The following CABLES1 variants were observed in gnomAD, a reference collection of about 807,000 sequenced individuals.
The protein encoded by CABLES1 is CDK5 and ABL1 enzyme substrate 1.
A neutral mutation model predicts 57.8 loss-of-function variants in CABLES1; 36 were observed. That is an observed-to-expected ratio of 0.62 (90% CI 0.48 to 0.82). CABLES1 has a LOEUF of 0.82. Among genes scored for constraint, CABLES1 ranks in the 40% least tolerant of loss-of-function variants. The probability of loss-of-function intolerance (pLI) is 0.00; values close to 1 mark genes in which losing one functional copy is unlikely to be tolerated. For synonymous variants in CABLES1, 374 were observed against 363.0 expected, an observed-to-expected ratio of 1.03 and a Z score of -0.35; for missense variants, 767 against 836.6, an observed-to-expected ratio of 0.92 and a Z score of 1.03.
At position 23,135,756 on chromosome 18, in the gene CABLES1, G is replaced by A. The variant is rs1478734875; in HGVS notation, c.-7G>A. ...GCATCGCGGAAATCCCGCCGCAGAC[G>A]GACACAATGGCGGCGGCGGCGGCGG... On this transcript the variant is annotated 5_prime_UTR_variant, in exon 1 of 10. Coordinates refer to ENST00000256925, the MANE Select transcript of CABLES1 (RefSeq NM_001100619.3). The A allele has an allele frequency of 5.1e-6, 5 of 987,554 alleles. No homozygotes were observed. The highest frequency in any genetic ancestry group is 6.0e-6 in the Non-Finnish European group (5 of 832,994). The allele number at this position is 987,554 out of a possible 1,614,324, so 61.2% of individuals were successfully genotyped here.
intron 4 of CABLES1, among the ~76,000 whole-genome samples, chr18:23,217,345 A>G (rs2047449719): frequency 6.6e-6 from 1 of 152,138 alleles, no homozygotes; most frequent in Non-Finnish European, 1.5e-5. Flanking sequence ...GGCCTCCTAA[A>G]GTGTTGGGAT....
At chr18:23,163,931 A>T (rs1194954380) in intron 1 of CABLES1, among the ~76,000 whole-genome samples, 2 of 152,200 alleles carry the variant, frequency 1.3e-5, no homozygotes, top group African/African-American at 4.8e-5. Flanking sequence ...ATAGCCTATA[A>T]GGTAGGCCCT....
At position 23,188,788 on chromosome 18, in the gene CABLES1, C is replaced by G. The variant is rs1598819279; in HGVS notation, c.846-50C>G. 7 of 1,241,372 alleles carry G rather than the reference C, an allele frequency of 5.6e-6. No individual in the cohort carries two copies. In the East Asian group the frequency reaches 1.6e-4, roughly 29 times the overall value. The allele number at this position is 1,241,372 out of a possible 1,614,324, so 76.9% of individuals were successfully genotyped here. The stretch of plus-strand genomic sequence containing the variant: ...TTTTAGATTTGCACAAATGTCTGAT[C>G]AGTTCTGCAATGCAGTTTTAACTCC... On this transcript the variant is annotated intron_variant, in intron 1 of 9. Coordinates refer to ENST00000256925, the MANE Select transcript of CABLES1 (RefSeq NM_001100619.3).
At chr18:23,152,831 C>T (rs1303710990) in intron 1 of CABLES1, among the ~76,000 whole-genome samples, 2 of 150,844 alleles carry the variant, frequency 1.3e-5, no homozygotes, top group Admixed American at 6.6e-5. Flanking sequence ...GACAGAGTTT[C>T]GCTCTTGTTG....
At chr18:23,193,036 GTCTT>G (rs1331749270) in intron 2 of CABLES1, among the ~76,000 whole-genome samples, 1 of 152,060 alleles carries the variant, frequency 6.6e-6, no homozygotes, top group Non-Finnish European at 1.5e-5. Flanking sequence ...GCAAGGCCTT[GTCTT>G]TCTTTTTAAA....
At chr18:23,246,958 G>A (rs2047911497) in intron 7 of CABLES1, among the ~76,000 whole-genome samples, 1 of 152,238 alleles carries the variant, frequency 6.6e-6, no homozygotes, top group South Asian at 2.1e-4. Flanking sequence ...CTCCTAAAGT[G>A]CTGGGGTTAC....
At chr18:23,142,641 A>ATGTTTG (rs2046864829) in intron 1 of CABLES1, among the ~76,000 whole-genome samples, 1 of 152,242 alleles carries the variant, frequency 6.6e-6, no homozygotes, top group Non-Finnish European at 1.5e-5. Context: ...TTCAACAAAC[A>ATGTTTG]TTGAACACAA....
At chr18:23,213,403 C>T (rs1313439980) in intron 3 of CABLES1, among the ~76,000 whole-genome samples, 1 of 151,846 alleles carries the variant, frequency 6.6e-6, no homozygotes. Flanking sequence ...TGCATAAGAC[C>T]ATCATGTAGA....
chr18:23,207,873 T>A (rs1396035952), intron 3 of CABLES1, among the ~76,000 whole-genome samples: 2 of 152,164 alleles, frequency 1.3e-5, no homozygotes, highest in Non-Finnish European at 2.9e-5. Flanking sequence ...GCAGTCATAG[T>A]CATGAAGAGA....
intron 1 of CABLES1, among the ~76,000 whole-genome samples, chr18:23,179,613 C>T (rs527754284): frequency 6.6e-6 from 1 of 152,378 alleles, no homozygotes; most frequent in South Asian, 2.1e-4. Context: ...CAGTATGCCA[C>T]TGTAGTGTCA....
intron 5 of CABLES1, 115 bp downstream of exon 5, chr18:23,234,819 C>A: frequency 1.2e-6 from 1 of 802,986 alleles, no homozygotes; most frequent in Non-Finnish European, 2.1e-6. Context: ...AGGTCTGGGG[C>A]AGATTCCCAG....
chr18:23,202,488 C>T (rs949558728), intron 3 of CABLES1, among the ~76,000 whole-genome samples: 1 of 152,172 alleles, frequency 6.6e-6, no homozygotes, highest in Non-Finnish European at 1.5e-5. Context: ...AGAGGAGAGC[C>T]AGTCACCATG....
upstream of CABLES1, chr18:23,134,690 C>G (rs530284344): frequency 1.1e-4 from 16 of 152,252 alleles, no homozygotes; most frequent in South Asian, 3.3e-3. Context: ...TTTTAGCCCA[C>G]CTGGGTCTTC....
intron 7 of CABLES1, among the ~76,000 whole-genome samples, chr18:23,239,113 G>A (rs2047673838): frequency 6.6e-6 from 1 of 152,196 alleles, no homozygotes; most frequent in Non-Finnish European, 1.5e-5. Flanking sequence ...TTCATTGTGA[G>A]CCTTGAGGTT....
intron 3 of CABLES1, among the ~76,000 whole-genome samples, chr18:23,203,345 A>T (rs182909355): frequency 6.6e-6 from 1 of 152,060 alleles, no homozygotes; most frequent in Admixed American, 6.5e-5. Flanking sequence ...CGACTGAGCT[A>T]TCTCCTCCCT....
chr18:23,150,978 A>T (rs1212848036), intron 1 of CABLES1, among the ~76,000 whole-genome samples: 2 of 148,120 alleles, frequency 1.4e-5, no homozygotes, highest in Non-Finnish European at 3.0e-5. Flanking sequence ...CATTGTCTTT[A>T]TTAGAAGCCG....
At chr18:23,138,306 C>T (rs2046835999) in intron 1 of CABLES1, among the ~76,000 whole-genome samples, 1 of 152,138 alleles carries the variant, frequency 6.6e-6, no homozygotes, top group Non-Finnish European at 1.5e-5. Context: ...CAGAACGCCA[C>T]CTCCAATCCT....
intron 1 of CABLES1, among the ~76,000 whole-genome samples, chr18:23,177,418 TACACACACACAC>T (rs10692529): frequency 1.9e-4 from 27 of 144,738 alleles, no homozygotes; most frequent in South Asian, 1.6e-3. Context: ...AGCACATGTG[TACACACACACAC>T]ACACACACAC....
At chr18:23,147,849 C>T (rs551891497) in intron 1 of CABLES1, among the ~76,000 whole-genome samples, 50 of 152,242 alleles carry the variant, frequency 3.3e-4, no homozygotes, top group African/African-American at 1.1e-3. Flanking sequence ...TGGAGGGTCC[C>T]GCAGCCCACG....
Sources: gnomAD v4.1 joint callset for allele counts (sites outside exome capture counted in the v4.1 genomes callset) on GRCh38, gnomAD v4.1.1 for gene constraint, MANE v1.5 for transcripts, NCBI Gene and HGNC (gene_info 2026-07-23, HGNC 2026-07-21) for gene names.